CHCHD5: variants seen among roughly 807,000 people sequenced by gnomAD.
CHCHD5 encodes the protein coiled-coil-helix-coiled-coil-helix domain-containing protein 5.
A neutral mutation model predicts 16.0 loss-of-function variants in CHCHD5; 10 were observed. The observed-to-expected ratio is 0.63, with a 90% CI of 0.39 to 1.06. The LOEUF (loss-of-function observed/expected upper bound fraction) is 1.06. Among genes scored for constraint, CHCHD5 ranks in the 50% least tolerant of loss-of-function variants. The pLI is 0.01. For synonymous variants in CHCHD5, 55 were observed against 56.3 expected (o/e 0.98, Z 0.10); for missense variants, 163 against 153.4 (o/e 1.06, Z -0.33).
upstream of CHCHD5, chr2:112,584,524 C>T: frequency 8.2e-7 from 1 of 1,221,834 alleles, no homozygotes. Flanking sequence ...CTAAAGGGAA[C>T]GGGGTTGTTA....
chr2:112,584,559 C>T, upstream of CHCHD5: 1 of 1,574,120 alleles, frequency 6.4e-7, no homozygotes. Flanking sequence ...CGGAAAAAAC[C>T]AGGCTGGGCT....
chr2:112,584,447 A>T, upstream of CHCHD5: 1 of 633,698 alleles, frequency 1.6e-6, no homozygotes, highest in Non-Finnish European at 2.8e-6. Context: ...GGAAGTGGCT[A>T]CTCAGGGCGC....
chr2:112,588,757 T>C, intron 3 of CHCHD5, 109 bp from the exon 4 acceptor site: 2 of 846,044 alleles, frequency 2.4e-6, no homozygotes, highest in South Asian at 1.4e-5. Flanking sequence ...AACACCCTTC[T>C]CCCTCCAGAC....
intron 1 of CHCHD5, among the ~76,000 whole-genome samples, chr2:112,585,653 C>T (rs1039999120): frequency 6.6e-6 from 1 of 152,196 alleles, no homozygotes; most frequent in Non-Finnish European, 1.5e-5. Flanking sequence ...AATCCTAGCA[C>T]TTTGGGAGGT....
intron 3 of CHCHD5, chr2:112,588,510 A>G (rs1397082287): frequency 3.9e-6 from 1 of 255,398 alleles, no homozygotes; most frequent in South Asian, 6.2e-5. Flanking sequence ...AAAGTGGTAC[A>G]TGTCCCTCCC....
In CHCHD5 at chr2:112,586,298, A is replaced by G; in HGVS notation, c.242A>G (p.Glu81Gly). Residue 81 changes from glutamate (E) to glycine (G), a missense_variant, in exon 3 of 4, where the codon GAG becomes GGG. By Grantham distance (98) the Glu-to-Gly change is moderately conservative. Transcript: ENST00000324913. ...GAGGCAGCTGTGGGCAACTGTGCAG[A>G]GCATATGCGCCGCTTCCTGCAGTGC... ...QNEAAVGNCAEHMRRFLQCAE... is the reference protein window; with the variant it reads ...QNEAAVGNCAGHMRRFLQCAE... 2 of 1,614,242 alleles carry G rather than the reference A, an allele frequency of 1.2e-6. No individual in the cohort carries two copies. Among genetic ancestry groups the G allele is most frequent in the Non-Finnish European group, 1.7e-6 (2 of 1,180,026 alleles).
rs1685220237 is a variant in CHCHD5, at chr2:112,586,285, G to GGCAACTGTGC, written c.230_239dup (p.Glu81GlnfsTer14). On this transcript the variant is annotated frameshift_variant, in exon 3 of 4. Transcript: ENST00000324913. LOFTEE classifies it high-confidence loss of function. ...TCTTCGACAGAACGAGGCAGCTGTG[G>GGCAACTGTGC]GCAACTGTGCAGAGCATATGCGCCG... 6.2e-7 allele frequency: 1 copy of GGCAACTGTGC among 1,614,130 alleles called. No individual in the cohort carries two copies. The highest frequency in any genetic ancestry group is 8.5e-7 in the Non-Finnish European group (1 of 1,180,048).
chr2:112,586,197 C>CA lies in CHCHD5; in HGVS notation c.144-2dup, dbSNP rs1685213197. 1 of 1,609,162 alleles carries CA rather than the reference C, an allele frequency of 6.2e-7. No individual in the cohort carries two copies. Among genetic ancestry groups the CA allele is most frequent in the Non-Finnish European group, 8.5e-7 (1 of 1,175,928 alleles). ...CAGGGGCTGAACTGCCCTACCCCCA[C>CA]AGCCCAATCATCCGCCAGATCCGCC... On this transcript the variant is annotated splice_region_variant and splice_polypyrimidine_tract_variant and intron_variant, in intron 2 of 3. Coordinates refer to ENST00000324913, the MANE Select transcript of CHCHD5 (RefSeq NM_032309.4).
In CHCHD5 at chr2:112,586,122, C is replaced by T. The variant is rs760577216; in HGVS notation, c.143+8C>T. 16 of 1,334,700 alleles carry T rather than the reference C, an allele frequency of 1.2e-5. No individual in the cohort carries two copies. Among genetic ancestry groups the T allele is most frequent in the Admixed American group, 1.8e-5 (1 of 54,764 alleles). The allele number at this position is 1,334,700 out of a possible 1,614,324, so 82.7% of individuals were successfully genotyped here. A position where few individuals can be genotyped will look rare whatever the true frequency, so the allele number is the denominator to read the frequency against. On this transcript the variant is annotated splice_region_variant and intron_variant, in intron 2 of 3. Coordinates refer to ENST00000324913, the MANE Select transcript of CHCHD5 (RefSeq NM_032309.4). ...CCAGTGCACATCCTCCCAGTGAGTG[C>T]GGGCAAGTATGAGACAGTGTGGGGG...
chr2:112,586,498 A>G, intron 3 of CHCHD5, 133 bp downstream of exon 3: 4 of 1,554,406 alleles, frequency 2.6e-6, no homozygotes, highest in Non-Finnish European at 3.5e-6. Context: ...CCATGCATCC[A>G]GAATCCAGAA....
In CHCHD5 at chr2:112,586,252, G is replaced by C. The variant is rs576592512; in HGVS notation, c.196G>C (p.Glu66Gln). The C allele has an allele frequency of 1.2e-6, 2 of 1,614,012 alleles. No individual in the cohort carries two copies. The highest frequency in any genetic ancestry group is 1.7e-6 in the Non-Finnish European group (2 of 1,179,836). Residue 66 changes from glutamate (E) to glutamine (Q), a missense_variant, in exon 3 of 4, where the codon GAG (glutamate) becomes CAG (glutamine). Physicochemically the swap from Glu to Gln is conservative, Grantham distance 29. Coordinates refer to ENST00000324913, the MANE Select transcript of CHCHD5 (RefSeq NM_032309.4). The part of the protein sequence containing the change: ...QACAQPFEAF[E>Q]ECLRQNEAAV... ...CTGTGCTCAGCCTTTTGAGGCCTTCGAGGAGTGTCTTCGACAGAACGAGGC... is the reference window on the plus strand; with the variant it reads ...CTGTGCTCAGCCTTTTGAGGCCTTCCAGGAGTGTCTTCGACAGAACGAGGC...
At chr2:112,585,004 T>G in intron 1 of CHCHD5, 1 of 319,778 alleles carries the variant, frequency 3.1e-6, no homozygotes, top group Non-Finnish European at 5.9e-6. Context: ...AGCTCCAGGT[T>G]CCTCCCCCTT....
chr2:112,585,847 A>G (rs1685192481), intron 1 of CHCHD5, 127 bp from the exon 2 acceptor site: 5 of 1,048,552 alleles, frequency 4.8e-6, no homozygotes, highest in East Asian at 2.6e-5. Flanking sequence ...ACAGTGAGCT[A>G]TGATCGTGCC....
At chr2:112,584,875 C>G in intron 1 of CHCHD5, 1 of 590,290 alleles carries the variant, frequency 1.7e-6, no homozygotes, top group Non-Finnish European at 3.0e-6. Flanking sequence ...CTTAGGACTT[C>G]GGTCCAGTCA....
upstream of CHCHD5, chr2:112,584,592 A>G (rs1685144586): frequency 5.6e-6 from 9 of 1,611,552 alleles, no homozygotes; most frequent in East Asian, 2.2e-5. Context: ...GACAACCGAT[A>G]CCGGAAAAGG....
intron 1 of CHCHD5, among the ~76,000 whole-genome samples, chr2:112,585,561 A>G (rs1263472969): frequency 6.6e-6 from 1 of 152,142 alleles, no homozygotes; most frequent in Non-Finnish European, 1.5e-5. Context: ...TCAGATTCCC[A>G]CATCTGCCCT....
chr2:112,587,970 C>T (rs1685269434), intron 3 of CHCHD5: 1 of 152,386 alleles, frequency 6.6e-6, no homozygotes, highest in South Asian at 2.1e-4. Flanking sequence ...GTCTTCTCTT[C>T]CCTGGCAGCC....
chr2:112,586,754 TG>T, intron 3 of CHCHD5: 1 of 694,766 alleles, frequency 1.4e-6, no homozygotes, highest in South Asian at 2.2e-5. Flanking sequence ...GGGTTCTCTG[TG>T]TTCTTCCCTA....
chr2:112,586,729 G>C, intron 3 of CHCHD5: 1 of 878,436 alleles, frequency 1.1e-6, no homozygotes, highest in South Asian at 1.9e-5. Flanking sequence ...GAGAACAAAA[G>C]TCCAGGTCCT....
Sources: gnomAD v4.1 joint callset for allele counts (sites outside exome capture counted in the v4.1 genomes callset) on GRCh38, gnomAD v4.1.1 for gene constraint, MANE v1.5 for transcripts, NCBI Gene and HGNC (gene_info 2026-07-23, HGNC 2026-07-21) for gene names.